Variants in KLHL29 observed in about 807,000 individuals in gnomAD.
KLHL29 encodes the protein kelch-like protein 29.
In KLHL29, 21 loss-of-function variants were observed where a neutral mutation model predicts 80.4. The ratio of observed to expected loss-of-function variants is 0.26; its 90% CI spans 0.19 to 0.38. The LOEUF (loss-of-function observed/expected upper bound fraction) is 0.38, where lower values mean the gene tolerates loss of function less well. KLHL29 is among the 10% of genes least tolerant of loss of function. The pLI is 1.00. For missense variants in KLHL29, 867 were observed against 1,223.9 expected (o/e 0.71, Z 4.35); for synonymous variants, 511 against 526.8 (o/e 0.97, Z 0.41).
At chr2:23,620,904 G>A (rs761506749) in intron 3 of KLHL29, among the ~76,000 whole-genome samples, 1 of 152,252 alleles carries the variant, frequency 6.6e-6, no homozygotes, top group Non-Finnish European at 1.5e-5. Context: ...GCTGGCTGGA[G>A]CGCTGCTGCC....
At chr2:23,424,660 A>G (rs1257328220) in intron 1 of KLHL29, among the ~76,000 whole-genome samples, 1 of 152,236 alleles carries the variant, frequency 6.6e-6, no homozygotes, top group Non-Finnish European at 1.5e-5. Flanking sequence ...TTAGTACATC[A>G]AATGAGAGGA....
In KLHL29 at chr2:23,542,766, G is replaced by A. The variant is rs549295854; in HGVS notation, c.-45-19386G>A. ...CAACTACAAGTTGCTCAGCCCCGGG[G>A]AGTTGAACCTGGAAGATGATCTCAT... On this transcript the variant is annotated intron_variant, in intron 2 of 13. Transcript: ENST00000486442. 4.6e-5 allele frequency among the ~76,000 whole-genome samples: 7 copies of A among 152,306 alleles called. No individual in the cohort carries two copies. The East Asian group carries it at 1.4e-3, about 29-fold the overall frequency.
At chr2:23,574,841 G>A (rs1025343507) in intron 3 of KLHL29, among the ~76,000 whole-genome samples, 2 of 152,318 alleles carry the variant, frequency 1.3e-5, no homozygotes, top group East Asian at 3.9e-4. Context: ...CCTTGATGAA[G>A]AGAAATGGGG....
chr2:23,691,431 T>C, intron 6 of KLHL29: 1 of 564,938 alleles, frequency 1.8e-6, no homozygotes, highest in Non-Finnish European at 3.2e-6. Flanking sequence ...GATTTGCATC[T>C]TTTTTTGCAT....
chr2:23,672,999 C>A (rs1368500543), intron 5 of KLHL29, among the ~76,000 whole-genome samples: 1 of 152,168 alleles, frequency 6.6e-6, no homozygotes, highest in Non-Finnish European at 1.5e-5. Flanking sequence ...AAAGCTGATG[C>A]TCTCAGCCTC....
chr2:23,609,809 G>A (rs1668813783), intron 3 of KLHL29, among the ~76,000 whole-genome samples: 2 of 152,130 alleles, frequency 1.3e-5, no homozygotes, highest in Non-Finnish European at 2.9e-5. Flanking sequence ...TATGGGTGAG[G>A]AAACCCAGAC....
intron 3 of KLHL29, among the ~76,000 whole-genome samples, chr2:23,632,264 C>A (rs1310966736): frequency 6.6e-6 from 1 of 152,282 alleles, no homozygotes; most frequent in Non-Finnish European, 1.5e-5. Context: ...AGATCCCAGA[C>A]ACCAAAATAT....
intron 2 of KLHL29, among the ~76,000 whole-genome samples, chr2:23,516,013 T>C (rs1484580710): frequency 6.6e-6 from 1 of 152,210 alleles, no homozygotes. Context: ...CTATAGTCTA[T>C]TGGTCAATTT....
At chr2:23,606,500 G>A (rs1028935847) in intron 3 of KLHL29, among the ~76,000 whole-genome samples, 2 of 152,170 alleles carry the variant, frequency 1.3e-5, no homozygotes, top group African/African-American at 4.8e-5. Flanking sequence ...AAGCATCTTA[G>A]GAATCTGCCC....
At chr2:23,405,883 A>G (rs1666714272) in intron 1 of KLHL29, among the ~76,000 whole-genome samples, 2 of 152,186 alleles carry the variant, frequency 1.3e-5, no homozygotes, top group South Asian at 4.1e-4. Flanking sequence ...TTGGCCTTAA[A>G]GGATGGGTAG....
intron 3 of KLHL29, among the ~76,000 whole-genome samples, chr2:23,607,172 C>T (rs1668749289): frequency 6.6e-6 from 1 of 152,238 alleles, no homozygotes; most frequent in Non-Finnish European, 1.5e-5. Flanking sequence ...ATTTAAACCA[C>T]AGCAGGGCTC....
intron 1 of KLHL29, among the ~76,000 whole-genome samples, chr2:23,460,439 T>C (rs947130147): frequency 4.6e-5 from 7 of 152,172 alleles, no homozygotes; most frequent in African/African-American, 1.4e-4. Context: ...GGGATGCTAC[T>C]GGCCTCTAGT....
intron 1 of KLHL29, among the ~76,000 whole-genome samples, chr2:23,474,234 T>C (rs918607704): frequency 1.3e-5 from 2 of 152,196 alleles, no homozygotes; most frequent in African/African-American, 2.4e-5. Context: ...ACATACTGCC[T>C]GACACATAGA....
At chr2:23,612,806 A>G (rs1668900805) in intron 3 of KLHL29, among the ~76,000 whole-genome samples, 1 of 152,234 alleles carries the variant, frequency 6.6e-6, no homozygotes, top group Admixed American at 6.5e-5. Flanking sequence ...TTTTTCAGGC[A>G]GATGAAATTA....
At chr2:23,598,455 T>C (rs974247108) in intron 3 of KLHL29, among the ~76,000 whole-genome samples, 1 of 151,726 alleles carries the variant, frequency 6.6e-6, no homozygotes, top group Non-Finnish European at 1.5e-5. Flanking sequence ...ACATATACAC[T>C]GTGCACAAAC....
In KLHL29 at chr2:23,680,829, A is replaced by G. The variant is rs1166348861; in HGVS notation, c.941-3570A>G. On this transcript the variant is annotated intron_variant, in intron 5 of 13. Coordinates refer to ENST00000486442, the MANE Select transcript of KLHL29 (RefSeq NM_052920.2). This position sits in a 1 kb window ranked among gnomAD's most constrained non-coding sequence, Gnocchi z 4.1. ...CTTCTCCTGGGGTCTCTAGGCCATC[A>G]TCTTCTCCCGCAGAATCCTGGAGCA... Among the ~76,000 whole-genome samples the G allele has an allele frequency of 6.7e-6, 1 of 150,212 alleles. No homozygotes were observed. The highest frequency in any genetic ancestry group is 6.6e-5 in the Admixed American group (1 of 15,050).
At chr2:23,450,302 T>C (rs11886900) in intron 1 of KLHL29, among the ~76,000 whole-genome samples, 22,210 of 152,212 alleles carry the variant, frequency 0.15, 2,771 homozygotes, top group African/African-American at 0.32. Context: ...TGGTTCACCC[T>C]GCTTCATGGG....
At chr2:23,463,894 G>A (rs1469388148) in intron 1 of KLHL29, among the ~76,000 whole-genome samples, 1 of 152,206 alleles carries the variant, frequency 6.6e-6, no homozygotes, top group Non-Finnish European at 1.5e-5. Flanking sequence ...TACCTGAAAT[G>A]TGTTTAACAA....
chr2:23,388,099 G>A (rs1201568214), intron 1 of KLHL29, among the ~76,000 whole-genome samples: 1 of 151,958 alleles, frequency 6.6e-6, no homozygotes, highest in African/African-American at 2.4e-5. Flanking sequence ...AAGGGTTATT[G>A]GTTTTCATCT....
Sources: gnomAD v4.1 joint callset for allele counts (sites outside exome capture counted in the v4.1 genomes callset) on GRCh38, gnomAD v4.1.1 for gene constraint, Gnocchi (gnomAD v3.1) non-coding constraint, MANE v1.5 for transcripts, NCBI Gene and HGNC (gene_info 2026-07-23, HGNC 2026-07-21) for gene names.